Variants in IFNG-AS1 observed in about 807,000 individuals in gnomAD.
The protein encoded by IFNG-AS1 is IFNG regulatory antisense RNA 1.
At chr12:68,012,759 G>A (rs1028608257) in intron 3 of IFNG-AS1, among the ~76,000 whole-genome samples, 4 of 152,282 alleles carry the variant, frequency 2.6e-5, no homozygotes, top group Admixed American at 2.6e-4. Flanking sequence ...CATAGTTCCA[G>A]CCTGTGGGCA....
At chr12:68,018,710 G>C (rs1056753174) in intron 3 of IFNG-AS1, among the ~76,000 whole-genome samples, 6 of 151,986 alleles carry the variant, frequency 3.9e-5, no homozygotes, top group Non-Finnish European at 7.4e-5. Context: ...TGTATGTGCT[G>C]TATTAACAGG....
chr12:67,993,365 C>T (rs1012286225), intron 1 of IFNG-AS1, among the ~76,000 whole-genome samples: 2 of 152,100 alleles, frequency 1.3e-5, no homozygotes, highest in African/African-American at 4.8e-5. Flanking sequence ...AAATAGAACA[C>T]TATATAGTTA....
chr12:67,996,646 G>T (rs1046214644), intron 2 of IFNG-AS1, among the ~76,000 whole-genome samples: 5 of 152,096 alleles, frequency 3.3e-5, no homozygotes. Flanking sequence ...GAATGAACTT[G>T]GCTTCTCTCT....
chr12:68,010,066 A>G (rs114307086), intron 3 of IFNG-AS1, among the ~76,000 whole-genome samples: 1,673 of 152,334 alleles, frequency 0.011, 32 homozygotes, highest in African/African-American at 0.038. Context: ...ATGAATGTTT[A>G]CCACTACACC....
intron 2 of IFNG-AS1, among the ~76,000 whole-genome samples, chr12:67,997,746 C>T (rs1027406909): frequency 2.6e-5 from 4 of 151,582 alleles, no homozygotes; most frequent in African/African-American, 9.7e-5. Context: ...CAACATTAAT[C>T]TTTCTATAAT....
At chr12:68,001,086 T>C (rs993938685) in intron 2 of IFNG-AS1, among the ~76,000 whole-genome samples, 13 of 152,210 alleles carry the variant, frequency 8.5e-5, no homozygotes, top group African/African-American at 3.1e-4. Flanking sequence ...AGCACACACA[T>C]ACACACACAT....
intron 2 of IFNG-AS1, among the ~76,000 whole-genome samples, chr12:68,004,189 C>A (rs946177531): frequency 3.9e-5 from 6 of 152,274 alleles, no homozygotes; most frequent in Non-Finnish European, 7.4e-5. Flanking sequence ...TAGATCTACT[C>A]TTCCTCATAA....
intron 3 of IFNG-AS1, among the ~76,000 whole-genome samples, chr12:68,011,906 G>C (rs1159552303): frequency 6.6e-6 from 1 of 152,194 alleles, no homozygotes; most frequent in Non-Finnish European, 1.5e-5. Flanking sequence ...TTCCAATGCT[G>C]TTGCCTTTCA....
At chr12:68,020,767 A>T (rs979881049) in intron 4 of IFNG-AS1, 1 of 152,138 alleles carries the variant, frequency 6.6e-6, no homozygotes, top group East Asian at 1.9e-4. Flanking sequence ...TGTTGTGGAA[A>T]ACTCACCCAT....
intron 1 of IFNG-AS1, among the ~76,000 whole-genome samples, chr12:67,991,264 A>G (rs1008676364): frequency 6.6e-5 from 10 of 152,248 alleles, no homozygotes; most frequent in African/African-American, 2.4e-4. Context: ...AGAAGATCTG[A>G]AATAAAAGAC....
At chr12:68,017,150 T>C (rs1880174985) in intron 3 of IFNG-AS1, among the ~76,000 whole-genome samples, 1 of 152,018 alleles carries the variant, frequency 6.6e-6, no homozygotes, top group South Asian at 2.1e-4. Flanking sequence ...CAGCAGCAGG[T>C]AGGAAGACCC....
At chr12:68,018,910 T>A (rs556163159) in intron 3 of IFNG-AS1, among the ~76,000 whole-genome samples, 2 of 152,220 alleles carry the variant, frequency 1.3e-5, no homozygotes, top group South Asian at 2.1e-4. Flanking sequence ...CCAGAGCAAC[T>A]TTTTTAAGAG....
At chr12:68,008,943 C>T (rs184520536) in intron 3 of IFNG-AS1, among the ~76,000 whole-genome samples, 24 of 152,294 alleles carry the variant, frequency 1.6e-4, no homozygotes, top group Admixed American at 1.0e-3. Flanking sequence ...ACAAGCACTC[C>T]ATGTGATTTT....
chr12:67,995,638 C>T (rs1879623277), intron 1 of IFNG-AS1, among the ~76,000 whole-genome samples: 1 of 150,358 alleles, frequency 6.7e-6, no homozygotes, highest in Non-Finnish European at 1.5e-5. Flanking sequence ...AGGAGAATCA[C>T]TTGAACCTGG....
intron 3 of IFNG-AS1, among the ~76,000 whole-genome samples, chr12:68,013,867 G>A (rs1157841308): frequency 6.6e-6 from 1 of 152,156 alleles, no homozygotes; most frequent in Non-Finnish European, 1.5e-5. Flanking sequence ...GTGGTGATTT[G>A]TGAGATTTTG....
intron 2 of IFNG-AS1, among the ~76,000 whole-genome samples, chr12:68,003,575 T>G (rs1173324269): frequency 6.6e-6 from 1 of 152,150 alleles, no homozygotes; most frequent in Non-Finnish European, 1.5e-5. Context: ...CAGATGGATT[T>G]CCTCCTTTCC....
At chr12:68,021,211 G>A (rs537342499) in intron 4 of IFNG-AS1, 2 of 152,152 alleles carry the variant, frequency 1.3e-5, no homozygotes, top group South Asian at 4.2e-4. Context: ...TTAACTACAA[G>A]CATTTAAAAA....
intron 2 of IFNG-AS1, among the ~76,000 whole-genome samples, chr12:67,996,654 T>C (rs1879648737): frequency 6.6e-6 from 1 of 152,208 alleles, no homozygotes; most frequent in Non-Finnish European, 1.5e-5. Flanking sequence ...TTGGCTTCTC[T>C]CTTTCAAATG....
intron 3 of IFNG-AS1, among the ~76,000 whole-genome samples, chr12:68,007,980 A>G (rs1000292013): frequency 6.6e-6 from 1 of 152,266 alleles, no homozygotes; most frequent in Admixed American, 6.5e-5. Context: ...TCTTTAAAAA[A>G]TCAGGCAAAC....
Sources: allele counts gnomAD v4.1 joint callset (sites outside exome capture counted in the v4.1 genomes callset), GRCh38; gene constraint gnomAD v4.1.1; transcripts MANE v1.5; gene names NCBI Gene and HGNC (gene_info 2026-07-23, HGNC 2026-07-21).